TTC28: variants seen among roughly 807,000 people sequenced by gnomAD.
TTC28 encodes tetratricopeptide repeat domain 28.
TTC28 carries 61 observed loss-of-function variants against 198.0 expected under a neutral mutation model. The ratio of observed to expected loss-of-function variants is 0.31; its 90% confidence interval spans 0.25 to 0.38. The LOEUF (loss-of-function observed/expected upper bound fraction) is 0.38, where lower values mean the gene tolerates loss of function less well. Among genes scored for constraint, TTC28 ranks in the 10% least tolerant of loss-of-function variants. The pLI is 1.00. For missense variants in TTC28, 2,678 were observed against 3,164.0 expected (o/e 0.85, Z 3.69); for synonymous variants, 1,171 against 1,297.8 (o/e 0.90, Z 2.10).
At chr22:28,431,711 C>T (rs552695720) in intron 2 of TTC28, among the ~76,000 whole-genome samples, 7 of 152,250 alleles carry the variant, frequency 4.6e-5, no homozygotes, top group South Asian at 2.1e-4. Context: ...AGCACAGTGC[C>T]GCACGCCTGT....
intron 5 of TTC28, among the ~76,000 whole-genome samples, chr22:28,218,601 T>TG: frequency 1.3e-5 from 2 of 152,166 alleles, no homozygotes; most frequent in South Asian, 4.2e-4. Flanking sequence ...AAATACCCAC[T>TG]CAGTTCACAA....
At chr22:28,375,896 G>C (rs1308709574) in intron 2 of TTC28, among the ~76,000 whole-genome samples, 1 of 152,170 alleles carries the variant, frequency 6.6e-6, no homozygotes, top group Non-Finnish European at 1.5e-5. Flanking sequence ...AGGTTCTATA[G>C]CCTTGGAATT....
intron 2 of TTC28, among the ~76,000 whole-genome samples, chr22:28,608,390 C>G (rs1279573903): frequency 2.0e-5 from 3 of 152,192 alleles, no homozygotes; most frequent in African/African-American, 7.2e-5. Context: ...CGGCCTAACT[C>G]AGAGGTAGCT....
chr22:28,558,771 C>T (rs1425515169), intron 2 of TTC28, among the ~76,000 whole-genome samples: 1 of 152,126 alleles, frequency 6.6e-6, no homozygotes, highest in Non-Finnish European at 1.5e-5. Context: ...TGGCTCATGC[C>T]TGTAATCCCA....
At chr22:28,360,958 C>T (rs1472443265) in intron 2 of TTC28, among the ~76,000 whole-genome samples, 1 of 152,094 alleles carries the variant, frequency 6.6e-6, no homozygotes, top group Non-Finnish European at 1.5e-5. Flanking sequence ...TTTTGGGATA[C>T]CACAATGCCT....
At chr22:28,601,105 C>T (rs1165036140) in intron 2 of TTC28, among the ~76,000 whole-genome samples, 1 of 152,086 alleles carries the variant, frequency 6.6e-6, no homozygotes, top group Admixed American at 6.6e-5. Context: ...AGAGCTTACC[C>T]ATTGAATTAT....
At chr22:28,624,835 A>T (rs2146194366) in intron 2 of TTC28, among the ~76,000 whole-genome samples, 1 of 152,328 alleles carries the variant, frequency 6.6e-6, no homozygotes, top group South Asian at 2.1e-4. Flanking sequence ...AGATGCAAAA[A>T]TTCTTCACGA....
At chr22:28,613,016 A>T (rs961790785) in intron 2 of TTC28, among the ~76,000 whole-genome samples, 1 of 152,076 alleles carries the variant, frequency 6.6e-6, no homozygotes, top group Non-Finnish European at 1.5e-5. Context: ...GACATGAAAA[A>T]CCCTTCAAAA....
At chr22:28,445,411 A>G (rs1639389591) in intron 2 of TTC28, among the ~76,000 whole-genome samples, 1 of 152,224 alleles carries the variant, frequency 6.6e-6, no homozygotes, top group Admixed American at 6.5e-5. Flanking sequence ...ATTACCAAGG[A>G]TAAATCATCA....
intron 2 of TTC28, among the ~76,000 whole-genome samples, chr22:28,461,715 C>T (rs1229973317): frequency 6.6e-6 from 1 of 152,218 alleles, no homozygotes; most frequent in Non-Finnish European, 1.5e-5. Context: ...AGGCATGAGC[C>T]ACTGTGCTAG....
At chr22:28,123,848 C>T (rs1490232080) in intron 6 of TTC28, among the ~76,000 whole-genome samples, 4 of 151,896 alleles carry the variant, frequency 2.6e-5, no homozygotes, top group Admixed American at 1.3e-4. Context: ...CCAGGTGTGG[C>T]GGCATGTGCC....
chr22:28,296,390 CAT>C, intron 4 of TTC28, 62 bp from the exon 5 acceptor site: 2 of 1,290,088 alleles, frequency 1.6e-6, no homozygotes, highest in Non-Finnish European at 1.0e-6. Context: ...TTATTTATAA[CAT>C]ATAATGGTCA....
intron 12 of TTC28, among the ~76,000 whole-genome samples, chr22:28,070,456 G>C (rs1029171272): frequency 3.3e-5 from 5 of 152,144 alleles, no homozygotes; most frequent in East Asian, 1.9e-4. Context: ...TTTCTGTAGA[G>C]AACAGGGATG....
At chr22:28,209,785 G>A (rs1385011535) in intron 5 of TTC28, among the ~76,000 whole-genome samples, 2 of 152,190 alleles carry the variant, frequency 1.3e-5, no homozygotes, top group East Asian at 3.9e-4. Flanking sequence ...TTTGAAGAGA[G>A]TAGTGGTTCT....
chr22:28,604,796 C>T (rs1382150770), intron 2 of TTC28, among the ~76,000 whole-genome samples: 1 of 152,050 alleles, frequency 6.6e-6, no homozygotes, highest in East Asian at 1.9e-4. Flanking sequence ...ATCTTTATTA[C>T]AGGAGACAAG....
chr22:28,442,417 C>G (rs569208971), intron 2 of TTC28, among the ~76,000 whole-genome samples: 1 of 152,248 alleles, frequency 6.6e-6, no homozygotes, highest in Non-Finnish European at 1.5e-5. Context: ...TGCTCGCCCC[C>G]CAGCGGGGCC....
chr22:28,312,695 A>G (rs1296310125), intron 2 of TTC28, among the ~76,000 whole-genome samples: 9 of 152,148 alleles, frequency 5.9e-5, no homozygotes, highest in Non-Finnish European at 1.3e-4. Flanking sequence ...CAGAATCTCT[A>G]GGAAACATTT....
At chr22:28,553,519 C>T (rs1222354575) in intron 2 of TTC28, among the ~76,000 whole-genome samples, 2 of 151,568 alleles carry the variant, frequency 1.3e-5, no homozygotes, top group African/African-American at 2.4e-5. Context: ...CCGGCCGCCC[C>T]GTCTGAGAAG....
chr22:28,252,100 G>C (rs1930556000), intron 5 of TTC28, among the ~76,000 whole-genome samples: 1 of 152,124 alleles, frequency 6.6e-6, no homozygotes. Context: ...TGCCTTTCCA[G>C]AACAGCCCTG....
Sources: gnomAD v4.1 joint callset for allele counts (sites outside exome capture counted in the v4.1 genomes callset) on GRCh38, gnomAD v4.1.1 for gene constraint, MANE v1.5 for transcripts, NCBI Gene and HGNC (gene_info 2026-07-23, HGNC 2026-07-21) for gene names.